ZC3HC1: variants seen among roughly 807,000 people sequenced by gnomAD.
The protein encoded by ZC3HC1 is zinc finger C3HC-type protein 1.
In ZC3HC1, 38 loss-of-function variants were observed where a neutral mutation model predicts 61.9. The ratio of observed to expected loss-of-function variants is 0.61; its 90% CI spans 0.47 to 0.81. The LOEUF is 0.81. ZC3HC1 is among the 30% of genes least tolerant of loss of function. ZC3HC1 has a pLI of 0.00. For synonymous variants in ZC3HC1, 213 were observed against 229.9 expected, an observed-to-expected ratio of 0.93 and a Z score of 0.67; for missense variants, 554 against 622.7, an observed-to-expected ratio of 0.89 and a Z score of 1.17.
chr7:130,049,307 T>C (rs1412727981), intron 1 of ZC3HC1, among the ~76,000 whole-genome samples, 163 bp from the exon 2 acceptor site: 5 of 152,232 alleles, frequency 3.3e-5, no homozygotes, highest in Non-Finnish European at 7.3e-5. Context: ...TTATTTTCAA[T>C]GGTTTTATAA....
intron 9 of ZC3HC1, among the ~76,000 whole-genome samples, chr7:130,019,845 C>T (rs1793560141): frequency 1.8e-5 from 2 of 114,172 alleles, no homozygotes; most frequent in African/African-American, 7.0e-5. Flanking sequence ...TGAGACAGGT[C>T]TCGCTCTGTC....
intron 3 of ZC3HC1, among the ~76,000 whole-genome samples, chr7:130,040,581 G>A (rs548776921): frequency 1.9e-4 from 28 of 151,280 alleles, no homozygotes; most frequent in African/African-American, 3.2e-4. Context: ...CAAGGTGGGC[G>A]GATCACTTGA....
chr7:130,023,569 A>G lies in ZC3HC1; in HGVS notation c.1175T>C (p.Val392Ala). ...GGCTTTCCGCAGAGGGCTAGATGGT[A>G]CCTCCAGGCCAGGGGTGTCTCCTGT... ...MGTGDTPGLE[V>A]PSSPLRKAKR... is the part of the protein sequence containing the mutation. The change falls in exon 8 of 10, where the codon GTA becomes GCA. Residue 392 changes from valine (V) to alanine (A), a missense_variant. Coordinates refer to ENST00000358303, the MANE Select transcript of ZC3HC1 (RefSeq NM_016478.5). This position sits in a 1 kb window ranked among gnomAD's most constrained non-coding sequence, Gnocchi z 4.2. The G allele has an allele frequency of 6.2e-7, 1 of 1,614,012 alleles. No homozygotes were observed. The highest frequency in any genetic ancestry group is 8.5e-7 in the Non-Finnish European group (1 of 1,180,012).
At chr7:130,020,067 G>A (rs961552509) in intron 9 of ZC3HC1, among the ~76,000 whole-genome samples, 27 of 151,420 alleles carry the variant, frequency 1.8e-4, no homozygotes, top group African/African-American at 5.6e-4. Flanking sequence ...TGCCTGCCTC[G>A]GCCTCCCAAA....
chr7:130,028,273 G>A (rs547758320), intron 5 of ZC3HC1, among the ~76,000 whole-genome samples: 19 of 149,588 alleles, frequency 1.3e-4, no homozygotes, highest in African/African-American at 3.9e-4. Flanking sequence ...TGGGTGTGCC[G>A]GCTCATGCCT....
chr7:130,027,547 T>G (rs1007930481), intron 5 of ZC3HC1: 10 of 153,022 alleles, frequency 6.5e-5, no homozygotes, highest in African/African-American at 2.4e-4. Context: ...GAGATGGAGT[T>G]TCGCTCTTGT....
At chr7:130,024,635 G>A in intron 6 of ZC3HC1, 129 bp from the exon 7 acceptor site, 1 of 1,063,452 alleles carries the variant, frequency 9.4e-7, no homozygotes, top group South Asian at 1.7e-5. Context: ...CAGAGCCTCT[G>A]TGCTCCAGTC....
chr7:130,028,081 C>T (rs912385019), intron 5 of ZC3HC1, among the ~76,000 whole-genome samples: 6 of 131,380 alleles, frequency 4.6e-5, no homozygotes, highest in East Asian at 2.4e-4. Flanking sequence ...ACAGAAGAAT[C>T]GCTTGAACCC....
At chr7:130,048,143 G>GTTTT (rs11364921) in intron 2 of ZC3HC1, among the ~76,000 whole-genome samples, 62 of 73,718 alleles carry the variant, frequency 8.4e-4, no homozygotes, top group Non-Finnish European at 1.1e-3. Flanking sequence ...TTTCCTAGTT[G>GTTTT]TTTTTTTTTT....
Position 130,018,615 on chromosome 7 carries a change from A to G in ZC3HC1, c.*49T>C. ...GAAAGGAACTCAGCCTTAATTTTTC[A>G]AAAAGTCACTCTCATTCCAGCTATC... is the stretch of plus-strand genomic sequence containing the variant. On this transcript the variant is annotated 3_prime_UTR_variant, in exon 10 of 10. Coordinates refer to ENST00000358303, the MANE Select transcript of ZC3HC1 (RefSeq NM_016478.5). 6.5e-7 allele frequency: 1 copy of G among 1,542,862 alleles called. No homozygotes were observed. Among genetic ancestry groups the G allele is most frequent in the South Asian group, 1.2e-5 (1 of 84,296 alleles).
At chr7:130,030,390 G>C (rs941329202) in intron 4 of ZC3HC1, among the ~76,000 whole-genome samples, 1 of 151,938 alleles carries the variant, frequency 6.6e-6, no homozygotes, top group Non-Finnish European at 1.5e-5. Flanking sequence ...AATAAAGACA[G>C]GGTTTCATCA....
chr7:130,026,467 C>T (rs959303504), intron 5 of ZC3HC1, 155 bp from the exon 6 acceptor site: 7 of 736,998 alleles, frequency 9.5e-6, no homozygotes, highest in Non-Finnish European at 1.5e-5. Flanking sequence ...CTTCCAGGGA[C>T]AGGGCTATAG....
chr7:130,048,152 T>G (rs891541370), intron 2 of ZC3HC1, among the ~76,000 whole-genome samples: 17 of 144,744 alleles, frequency 1.2e-4, no homozygotes, highest in African/African-American at 1.8e-4. Flanking sequence ...TGTTTTTTTT[T>G]TTTTTTTTTT....
At chr7:130,019,146 C>T (rs6958134) in intron 9 of ZC3HC1, among the ~76,000 whole-genome samples, 13,112 of 151,594 alleles carry the variant, frequency 0.086, 730 homozygotes, top group African/African-American at 0.15. Flanking sequence ...CTCTGCCTCC[C>T]GGGTTCACGC....
At chr7:130,036,807 G>T (rs1794448300) in intron 4 of ZC3HC1, 1 of 152,186 alleles carries the variant, frequency 6.6e-6, no homozygotes. Flanking sequence ...AGGTAGAATG[G>T]ATAGGTCAAA....
rs757867560 is a variant in ZC3HC1, at chr7:130,026,246, C to T, written c.688G>A (p.Asp230Asn). 1.9e-6 allele frequency: 3 copies of T among 1,614,086 alleles called. No individual in the cohort carries two copies. The East Asian group carries it at 6.7e-5, about 36-fold the overall frequency. The part of the protein sequence containing the change: ...LLEDELDHRT[D>N]ERKTTIKLGS... ...AATTTGATTGTAGTTTTTCTCTCAT[C>T]AGTTCGGTGATCAAGTTCATCTTCA... Residue 230 changes from aspartate (D) to asparagine (N), a missense_variant, in exon 6 of 10, where the codon GAT (aspartate) becomes AAT (asparagine). Physicochemically the swap from Asp to Asn is conservative, Grantham distance 23. Coordinates refer to ENST00000358303, the MANE Select transcript of ZC3HC1 (RefSeq NM_016478.5).
intron 2 of ZC3HC1, among the ~76,000 whole-genome samples, chr7:130,044,899 C>T (rs753553643): frequency 1.3e-5 from 2 of 152,308 alleles, no homozygotes; most frequent in Non-Finnish European, 2.9e-5. Flanking sequence ...TTGACATACA[C>T]TCTACAACAT....
intron 5 of ZC3HC1, chr7:130,026,523 A>G (rs1197150183): frequency 6.6e-6 from 3 of 452,678 alleles, no homozygotes; most frequent in African/African-American, 3.9e-5. Flanking sequence ...GCTGACTGAG[A>G]AAGATGGAGT....
At chr7:130,027,872 T>A (rs1027113517) in intron 5 of ZC3HC1, among the ~76,000 whole-genome samples, 5 of 151,866 alleles carry the variant, frequency 3.3e-5, no homozygotes, top group Non-Finnish European at 7.4e-5. Flanking sequence ...TTTGTTACTT[T>A]CTTTGAAAAA....
Sources: gnomAD v4.1 joint callset for allele counts (sites outside exome capture counted in the v4.1 genomes callset) on GRCh38, gnomAD v4.1.1 for gene constraint, Gnocchi (gnomAD v3.1) non-coding constraint, MANE v1.5 for transcripts, NCBI Gene and HGNC (gene_info 2026-07-23, HGNC 2026-07-21) for gene names.